The following BANP variants were observed in gnomAD, a reference collection of about 807,000 sequenced individuals.
The protein encoded by BANP is BTG3 associated nuclear protein.
BANP carries 11 observed loss-of-function variants against 68.1 expected under a neutral mutation model. That is an observed-to-expected ratio of 0.16 (90% confidence interval 0.10 to 0.27). The LOEUF (loss-of-function observed/expected upper bound fraction) is 0.27, where lower values mean the gene tolerates loss of function less well. Ranked by LOEUF, BANP falls within the 10% of genes least tolerant of loss-of-function variation. The pLI is 1.00. For synonymous variants in BANP, 329 were observed against 303.2 expected, an observed-to-expected ratio of 1.09 and a Z score of -0.88; for missense variants, 504 against 722.7, an observed-to-expected ratio of 0.70 and a Z score of 3.47.
chr16:88,050,845 G>A (rs1196564245), intron 11 of BANP, among the ~76,000 whole-genome samples: 4 of 149,878 alleles, frequency 2.7e-5, no homozygotes, highest in Non-Finnish European at 5.9e-5. Context: ...GCACCACCAC[G>A]ACCTGCTAAT....
At chr16:88,045,852 G>A (rs905920659) in intron 11 of BANP, among the ~76,000 whole-genome samples, 57 of 152,272 alleles carry the variant, frequency 3.7e-4, no homozygotes, top group African/African-American at 1.3e-3. Flanking sequence ...AGTGTCTGTC[G>A]TCTTGGGATT....
At chr16:87,981,963 G>A (rs546811121) in intron 3 of BANP, among the ~76,000 whole-genome samples, 84 of 152,368 alleles carry the variant, frequency 5.5e-4, no homozygotes, top group Middle Eastern at 3.4e-3. Context: ...CAAAACCAAA[G>A]TCACTTTTCA....
chr16:87,958,208 C>T (rs72816360), intron 1 of BANP, among the ~76,000 whole-genome samples: 1 of 152,136 alleles, frequency 6.6e-6, no homozygotes, highest in East Asian at 1.9e-4. Flanking sequence ...AACTCTGAGT[C>T]CCTAGAAACT....
chr16:87,980,996 T>C lies in BANP; in HGVS notation c.71-40T>C, dbSNP rs1301361325. On this transcript the variant is annotated intron_variant, in intron 2 of 13. Transcript: ENST00000682872. Reference sequence around the variant, plus strand: ...AATGTTAAAATAATTCTGTAAAACTTTTCATGTTAAACATTTTTTTTCTCT... The same window carrying C: ...AATGTTAAAATAATTCTGTAAAACTCTTCATGTTAAACATTTTTTTTCTCT... 5 of 1,423,536 alleles carry C rather than the reference T, an allele frequency of 3.5e-6. No homozygotes were observed. The East Asian group carries it at 1.1e-4, about 32-fold the overall frequency. The allele number at this position is 1,423,536 out of a possible 1,614,324, so 88.2% of individuals were successfully genotyped here.
In BANP at chr16:88,027,631, G is replaced by A. The variant is rs757698946; in HGVS notation, c.1044G>A (p.Ser348=). 3.1e-5 allele frequency: 50 copies of A among 1,613,364 alleles called. No individual in the cohort carries two copies. Among genetic ancestry groups the A allele is most frequent in the Non-Finnish European group, 3.6e-5 (42 of 1,179,886 alleles). The change falls in exon 8 of 14, where the codon TCG becomes TCA. Residue 348 remains serine (S), a synonymous_variant. Coordinates refer to ENST00000682872, the MANE Select transcript of BANP (RefSeq NM_001386991.1). ...VKSFSRRTPN[S]SSYCPSEPMM... is the part of the protein sequence containing the mutation. ...GCTTCTCGCGGAGAACGCCCAACTCGTCCTCCTACTGCCCTTCAGGTAGGC... is the reference window on the plus strand; with the variant it reads ...GCTTCTCGCGGAGAACGCCCAACTCATCCTCCTACTGCCCTTCAGGTAGGC...
chr16:88,070,130 A>T (rs1186329986), intron 12 of BANP, among the ~76,000 whole-genome samples: 1 of 152,234 alleles, frequency 6.6e-6, no homozygotes, highest in Non-Finnish European at 1.5e-5. Context: ...AGAGGAATAC[A>T]GGTGATGGTA....
At chr16:88,022,065 C>T (rs188543146) in intron 7 of BANP, among the ~76,000 whole-genome samples, 1 of 152,062 alleles carries the variant, frequency 6.6e-6, no homozygotes, top group Non-Finnish European at 1.5e-5. Context: ...GTGGACCCCC[C>T]GAATTTGGGC....
intron 11 of BANP, among the ~76,000 whole-genome samples, chr16:88,055,578 T>G (rs1008242643): frequency 2.0e-5 from 3 of 152,212 alleles, no homozygotes; most frequent in East Asian, 3.8e-4. Context: ...GGAAAAAGAT[T>G]AGAAGACATG....
At chr16:87,974,763 T>C (rs890993850) in intron 1 of BANP, among the ~76,000 whole-genome samples, 1 of 151,926 alleles carries the variant, frequency 6.6e-6, no homozygotes, top group Non-Finnish European at 1.5e-5. Context: ...CAAGCCAGTG[T>C]TGGGAAGGTG....
At chr16:87,951,593 C>G (rs999901261) in intron 1 of BANP, 78 bp downstream of exon 1, 1 of 151,008 alleles carries the variant, frequency 6.6e-6, no homozygotes, top group African/African-American at 2.4e-5. Flanking sequence ...AGATCTCCCT[C>G]CTCCCTCCTC....
At chr16:88,033,359 G>C (rs1319041084) in intron 9 of BANP, 114 bp downstream of exon 9, 1 of 1,140,380 alleles carries the variant, frequency 8.8e-7, no homozygotes, top group Admixed American at 3.3e-5. Context: ...GTGATAGCTT[G>C]GGAGGAGGCA....
chr16:88,046,107 G>A (rs981264039), intron 11 of BANP, among the ~76,000 whole-genome samples: 4 of 152,252 alleles, frequency 2.6e-5, no homozygotes, highest in African/African-American at 7.2e-5. Flanking sequence ...GTGGTCTGCA[G>A]ACAGAAGCTT....
At chr16:88,023,777 G>A (rs1265775059) in intron 7 of BANP, among the ~76,000 whole-genome samples, 2 of 152,336 alleles carry the variant, frequency 1.3e-5, no homozygotes, top group South Asian at 2.1e-4. Context: ...GGCAGCTAAC[G>A]GTGTAGTGGA....
intron 1 of BANP, among the ~76,000 whole-genome samples, chr16:87,953,683 G>A (rs548174402): frequency 1.2e-4 from 19 of 152,134 alleles, no homozygotes; most frequent in Non-Finnish European, 2.6e-4. Flanking sequence ...TTTTCTGTTA[G>A]TCATGGCTTT....
chr16:88,076,552 T>C (rs772302994), intron 13 of BANP, 38 bp from the exon 14 acceptor site: 1 of 1,591,354 alleles, frequency 6.3e-7, no homozygotes, highest in Non-Finnish European at 8.6e-7. Flanking sequence ...CAGTGCTGGG[T>C]ATTTTTCTAG....
At chr16:88,062,162 A>C (rs1772886327) in intron 11 of BANP, among the ~76,000 whole-genome samples, 1 of 152,152 alleles carries the variant, frequency 6.6e-6, no homozygotes, top group South Asian at 2.1e-4. Context: ...ACACTTCAGC[A>C]GTGTTCAGAG....
intron 7 of BANP, among the ~76,000 whole-genome samples, chr16:88,022,668 G>A (rs1311122636): frequency 6.6e-6 from 1 of 152,210 alleles, no homozygotes; most frequent in African/African-American, 2.4e-5. Flanking sequence ...ACAGGCTTGT[G>A]TTCTCGTGCA....
At chr16:88,037,948 C>T (rs752256629) in intron 10 of BANP, 25 bp from the exon 11 acceptor site, 14 of 1,612,174 alleles carry the variant, frequency 8.7e-6, no homozygotes, top group East Asian at 4.5e-5. Flanking sequence ...TACTCATGAC[C>T]GTCTCCTCCT....
intron 1 of BANP, among the ~76,000 whole-genome samples, chr16:87,970,942 A>G (rs11645610): frequency 0.35 from 52,726 of 150,750 alleles, 10,436 homozygotes; most frequent in Non-Finnish European, 0.47. Flanking sequence ...GCTTGAACCC[A>G]GGAGGCGGAG....
Sources: gnomAD v4.1 joint callset for allele counts (sites outside exome capture counted in the v4.1 genomes callset) on GRCh38, gnomAD v4.1.1 for gene constraint, MANE v1.5 for transcripts, NCBI Gene and HGNC (gene_info 2026-07-23, HGNC 2026-07-21) for gene names.